TBC1D5: variants seen among roughly 807,000 people sequenced by gnomAD.
The protein encoded by TBC1D5 is TBC1 domain family member 5, also known as TBC1 domain family, member 5.
A neutral mutation model predicts 100.3 loss-of-function variants in TBC1D5; 75 were observed. The observed-to-expected ratio is 0.75, with a 90% confidence interval of 0.62 to 0.91. The LOEUF (loss-of-function observed/expected upper bound fraction) is 0.91. Among genes scored for constraint, TBC1D5 ranks in the 40% least tolerant of loss-of-function variants. TBC1D5 has a pLI of 0.00. For missense variants in TBC1D5, 910 were observed against 942.4 expected, an observed-to-expected ratio of 0.97 and a Z score of 0.45; for synonymous variants, 323 against 325.6, an observed-to-expected ratio of 0.99 and a Z score of 0.09.
intron 5 of TBC1D5, among the ~76,000 whole-genome samples, chr3:17,406,053 G>A (rs933418860): frequency 6.6e-6 from 1 of 151,976 alleles, no homozygotes; most frequent in African/African-American, 2.4e-5. Context: ...ATAACTAAAT[G>A]ATGGTTTGAT....
chr3:17,189,334 G>C (rs1011530819), intron 18 of TBC1D5, among the ~76,000 whole-genome samples: 1 of 152,112 alleles, frequency 6.6e-6, no homozygotes, highest in Non-Finnish European at 1.5e-5. Flanking sequence ...TAAAGCTTAA[G>C]AGCCCATCAC....
chr3:17,590,867 G>A (rs1461915082), intron 2 of TBC1D5, among the ~76,000 whole-genome samples: 3 of 152,026 alleles, frequency 2.0e-5, no homozygotes, highest in Non-Finnish European at 1.5e-5. Flanking sequence ...GTGATAGGAA[G>A]CCTACTGCAT....
rs187675232 is a variant in TBC1D5, at chr3:17,291,027, C to G, written c.1245+868G>C. ...ATTAAACTTGGAGGCCCAAGTTGAT[C>G]AGACAGAGCTTTGGCAATGGAACCC... is the stretch of plus-strand genomic sequence containing the variant. On this transcript the variant is annotated intron_variant, in intron 15 of 21. Coordinates refer to ENST00000253692, the Ensembl canonical transcript of TBC1D5. Among the ~76,000 whole-genome samples, 883 of 152,318 alleles carry G rather than the reference C, an allele frequency of 5.8e-3. 4 individuals carry two copies. The highest frequency in any genetic ancestry group is 9.7e-3 in the Non-Finnish European group (662 of 68,026).
intron 18 of TBC1D5, among the ~76,000 whole-genome samples, chr3:17,203,158 T>C (rs543968326): frequency 1.3e-5 from 2 of 152,190 alleles, no homozygotes; most frequent in Non-Finnish European, 2.9e-5. Context: ...ACCCCTTGCA[T>C]GAGTGTTGTC....
At chr3:17,178,035 A>G (rs1194770768) in intron 19 of TBC1D5, among the ~76,000 whole-genome samples, 2 of 148,244 alleles carry the variant, frequency 1.3e-5, no homozygotes, top group Non-Finnish European at 3.0e-5. Context: ...AAATGACAGG[A>G]TCTCATTCTT....
chr3:17,387,117 C>T (rs2152281086), intron 8 of TBC1D5, among the ~76,000 whole-genome samples: 1 of 152,114 alleles, frequency 6.6e-6, no homozygotes, highest in South Asian at 2.1e-4. Context: ...GAATCCATTG[C>T]ATCGAATAAG....
chr3:17,328,492 T>G (rs1406051643), intron 13 of TBC1D5, among the ~76,000 whole-genome samples: 1 of 152,150 alleles, frequency 6.6e-6, no homozygotes, highest in African/African-American at 2.4e-5. Context: ...AATGGGCAAA[T>G]GAGGAAAAGT....
chr3:17,709,470 C>G (rs1446139492), intron 1 of TBC1D5, among the ~76,000 whole-genome samples: 4 of 152,166 alleles, frequency 2.6e-5, no homozygotes, highest in African/African-American at 9.7e-5. Flanking sequence ...TTTCAGTTCC[C>G]TATAAAAATT....
intron 13 of TBC1D5, among the ~76,000 whole-genome samples, chr3:17,361,500 C>G (rs1445967284): frequency 6.6e-6 from 1 of 151,938 alleles, no homozygotes; most frequent in Non-Finnish European, 1.5e-5. Flanking sequence ...AAATATTCAC[C>G]AAGCTCTACT....
chr3:17,449,242 C>T (rs929583551), intron 3 of TBC1D5, among the ~76,000 whole-genome samples: 1 of 152,210 alleles, frequency 6.6e-6, no homozygotes. Context: ...TTGCAACCTG[C>T]AGACCAGAAG....
chr3:17,178,959 C>T (rs1200787727), intron 19 of TBC1D5, among the ~76,000 whole-genome samples: 1 of 151,998 alleles, frequency 6.6e-6, no homozygotes, highest in Non-Finnish European at 1.5e-5. Flanking sequence ...TTTTTGGAGA[C>T]GTCATCTTGA....
At chr3:17,376,564 T>C (rs2092717770) in exon 10 of TBC1D5, 1 of 1,612,692 alleles carries the variant, frequency 6.2e-7, no homozygotes, top group Admixed American at 1.7e-5. Flanking sequence ...AAAAGCTTGG[T>C]GGTCACAGTG....
At chr3:17,401,157 G>A (rs2093632546) in intron 8 of TBC1D5, among the ~76,000 whole-genome samples, 1 of 151,548 alleles carries the variant, frequency 6.6e-6, no homozygotes, top group Non-Finnish European at 1.5e-5. Context: ...TGGGTCACTG[G>A]TTTGCCATTT....
Position 17,689,603 on chromosome 3 carries a change from T to C in TBC1D5, c.-101+49740A>G, listed in dbSNP as rs74776245. On this transcript the variant is annotated intron_variant, in intron 1 of 21. Transcript: ENST00000253692. ...CAAAATGTAATAAAAGATAAATGTATAATTCAGACAATGTATACTACAGAA... is the reference window on the plus strand; with the variant it reads ...CAAAATGTAATAAAAGATAAATGTACAATTCAGACAATGTATACTACAGAA... Among the ~76,000 whole-genome samples, 1,070 of 150,956 alleles carry C rather than the reference T, an allele frequency of 7.1e-3. 12 individuals are homozygous for C. Among genetic ancestry groups the C allele is most frequent in the African/African-American group, 0.024 (984 of 41,094 alleles).
At chr3:17,472,350 G>A (rs142042130) in intron 3 of TBC1D5, among the ~76,000 whole-genome samples, 3,395 of 152,102 alleles carry the variant, frequency 0.022, 119 homozygotes, top group African/African-American at 0.076. Flanking sequence ...TTGTTGGCCA[G>A]GATGGTCTCG....
rs34135899 is a variant in TBC1D5, at chr3:17,679,079, G to GA, written c.-100-55167dup. ...ATTTCCATATAATGAAAAAGTTACA[G>GA]AAAAAAAAAAAAACAATGAGTTGGG... On this transcript the variant is annotated intron_variant, in intron 1 of 21. Coordinates refer to ENST00000253692, the Ensembl canonical transcript of TBC1D5. Among the ~76,000 whole-genome samples the GA allele has an allele frequency of 2.6e-3, 373 of 141,996 alleles. 13 individuals carry two copies. The highest frequency in any genetic ancestry group is 6.9e-3 in the African/African-American group (257 of 37,278). 93.2% of individuals were successfully genotyped at this position (141,996 alleles called of 152,430 possible). A position where few individuals can be genotyped will look rare whatever the true frequency, so the allele number is the denominator to read the frequency against.
At chr3:17,704,337 G>T (rs1199767602) in intron 1 of TBC1D5, among the ~76,000 whole-genome samples, 1 of 151,610 alleles carries the variant, frequency 6.6e-6, no homozygotes, top group African/African-American at 2.4e-5. Flanking sequence ...ACACAGACAC[G>T]GCAACCATCC....
At chr3:17,638,576 T>C (rs530424161) in intron 1 of TBC1D5, among the ~76,000 whole-genome samples, 1 of 152,268 alleles carries the variant, frequency 6.6e-6, no homozygotes, top group African/African-American at 2.4e-5. Context: ...ATATAAAGTA[T>C]AAATTTCACC....
chr3:17,282,896 G>T (rs2149948840), intron 15 of TBC1D5, among the ~76,000 whole-genome samples: 1 of 152,288 alleles, frequency 6.6e-6, no homozygotes, highest in East Asian at 1.9e-4. Context: ...ACATTTCATG[G>T]ACTTCTAATA....
Sources: gnomAD v4.1 joint callset for allele counts (sites outside exome capture counted in the v4.1 genomes callset) on GRCh38, gnomAD v4.1.1 for gene constraint, MANE v1.5 for transcripts, NCBI Gene and HGNC (gene_info 2026-07-23, HGNC 2026-07-21) for gene names.